NR4A3: variants seen among roughly 807,000 people sequenced by gnomAD.
The protein encoded by NR4A3 is nuclear receptor subfamily 4 group A member 3.
NR4A3 carries 13 observed loss-of-function variants against 55.6 expected under a neutral mutation model. That is an observed-to-expected ratio of 0.23 (90% CI 0.15 to 0.37). NR4A3 has a LOEUF of 0.37. Among genes scored for constraint, NR4A3 ranks in the 10% least tolerant of loss-of-function variants. The pLI is 1.00. For missense variants in NR4A3, 646 were observed against 822.8 expected (o/e 0.79, Z 2.63); for synonymous variants, 342 against 357.9 (o/e 0.96, Z 0.50).
intron 1 of NR4A3, among the ~76,000 whole-genome samples, chr9:99,824,713 C>T (rs1827260351): frequency 1.3e-5 from 2 of 152,368 alleles, no homozygotes; most frequent in Admixed American, 1.3e-4. Flanking sequence ...ACTCTTCGAG[C>T]TGCGCCCACC....
chr9:99,850,125 G>A (rs547195832), intron 7 of NR4A3, among the ~76,000 whole-genome samples: 23 of 152,154 alleles, frequency 1.5e-4, no homozygotes, highest in African/African-American at 4.8e-4. Flanking sequence ...AGGGTGGGGC[G>A]GGACATAAAG....
intron 7 of NR4A3, among the ~76,000 whole-genome samples, chr9:99,853,455 T>C (rs1198553017): frequency 9.2e-6 from 1 of 108,278 alleles, no homozygotes; most frequent in Non-Finnish European, 1.9e-5. Flanking sequence ...ATTAGGTATA[T>C]CTCCCAATGC....
intron 5 of NR4A3, among the ~76,000 whole-genome samples, chr9:99,841,919 C>T (rs953488670): frequency 6.6e-6 from 1 of 152,072 alleles, no homozygotes; most frequent in African/African-American, 2.4e-5. Context: ...GTAGTGAGCC[C>T]TGATCACACC....
At chr9:99,843,817 G>A (rs936071741) in intron 5 of NR4A3, among the ~76,000 whole-genome samples, 1 of 151,504 alleles carries the variant, frequency 6.6e-6, no homozygotes, top group Non-Finnish European at 1.5e-5. Context: ...GCAGTGGCAC[G>A]ATCTTGGCTC....
chr9:99,829,879 G>C (rs1051268906), intron 3 of NR4A3, among the ~76,000 whole-genome samples: 1 of 152,182 alleles, frequency 6.6e-6, no homozygotes, highest in African/African-American at 2.4e-5. Flanking sequence ...GAGCGGTGAA[G>C]CCTTATGCAG....
rs902416488 is a variant in NR4A3 at position 99,847,738 on chromosome 9, C to T, written c.1633+123C>T. 3 of 925,110 alleles carry T rather than the reference C, an allele frequency of 3.2e-6. No homozygotes were observed. In the African/African-American group the frequency reaches 5.0e-5, roughly 15 times the overall value. 57.3% of individuals were successfully genotyped at this position (925,110 alleles called of 1,614,324 possible). On this transcript the variant is annotated intron_variant, in intron 7 of 7. Coordinates refer to ENST00000395097, the MANE Select transcript of NR4A3 (RefSeq NM_006981.4). ...AAAATGACTACCATTTTTCTGAAAT[C>T]TGTTAAGTTTAACCTAGTTTAAGCA...
At chr9:99,850,289 C>CT (rs1046215914) in intron 7 of NR4A3, among the ~76,000 whole-genome samples, 1 of 152,110 alleles carries the variant, frequency 6.6e-6, no homozygotes, top group African/African-American at 2.4e-5. Flanking sequence ...GAGAAAGAAT[C>CT]TAAGAGGAAA....
intron 3 of NR4A3, among the ~76,000 whole-genome samples, 197 bp from the exon 4 acceptor site, chr9:99,832,492 A>G (rs1433749502): frequency 6.6e-6 from 1 of 152,234 alleles, no homozygotes; most frequent in East Asian, 1.9e-4. Context: ...CTTTAGAACA[A>G]TCCGAGATGA....
intron 5 of NR4A3, among the ~76,000 whole-genome samples, chr9:99,836,580 G>T (rs1314455571): frequency 1.3e-5 from 2 of 152,224 alleles, no homozygotes; most frequent in Admixed American, 1.3e-4. Context: ...GAAGGGAAAA[G>T]ATTTGGTGAA....
chr9:99,840,094 C>G lies in NR4A3; in HGVS notation c.1255-4555C>G, dbSNP rs146098867. ...TTGGATGCTGACCCTCCAGTCACCC[C>G]CAAGTTACTGGTGGCTCAGACTGAA... On this transcript the variant is annotated intron_variant, in intron 5 of 7. Coordinates refer to ENST00000395097, the MANE Select transcript of NR4A3 (RefSeq NM_006981.4). 2.1e-3 allele frequency among the ~76,000 whole-genome samples: 322 copies of G among 152,326 alleles called. 1 individual carries two copies. The highest frequency in any genetic ancestry group is 7.4e-3 in the African/African-American group (307 of 41,568).
chr9:99,864,052 A>T lies in NR4A3; in HGVS notation c.*185A>T. On this transcript the variant is annotated 3_prime_UTR_variant, in exon 8 of 8. Coordinates refer to ENST00000395097, the MANE Select transcript of NR4A3 (RefSeq NM_006981.4). ...TACAACCTAAAGCCAGAAAACTTGC[A>T]GAGTATTGTGTTGGGGTTGTGTTTT... 2.9e-5 allele frequency: 15 copies of T among 516,002 alleles called. No homozygotes were observed. Among genetic ancestry groups the T allele is most frequent in the Non-Finnish European group, 5.0e-5 (15 of 301,864 alleles). 32.0% of individuals were successfully genotyped at this position (516,002 alleles called of 1,614,324 possible). A position where few individuals can be genotyped will look rare whatever the true frequency, so the allele number is the denominator to read the frequency against.
chr9:99,821,997 C>T lies in NR4A3; in HGVS notation c.-587C>T, dbSNP rs1827186413. On this transcript the variant is annotated 5_prime_UTR_variant, in exon 1 of 8. Coordinates refer to ENST00000395097, the MANE Select transcript of NR4A3 (RefSeq NM_006981.4). The stretch of plus-strand genomic sequence containing the variant: ...TCACACCCGCTCCCTCACTCGCACA[C>T]ACAGACACAAGCGCGCACACAGGCT... 1 of 152,168 alleles carries T rather than the reference C, an allele frequency of 6.6e-6. No homozygotes were observed. Among genetic ancestry groups the T allele is most frequent in the Non-Finnish European group, 1.5e-5 (1 of 68,366 alleles). 9.4% of individuals were successfully genotyped at this position (152,168 alleles called of 1,614,324 possible).
rs377757850 is a variant in NR4A3 at position 99,828,505 on chromosome 9, T to C, written c.463T>C (p.Leu155=). 74 of 1,581,462 alleles carry C rather than the reference T, an allele frequency of 4.7e-5. No individual in the cohort carries two copies. In the African/African-American group the frequency reaches 9.2e-4, roughly 20 times the overall value. The change falls in exon 3 of 8, where the codon TTA becomes CTA. Residue 155 remains leucine (L), a synonymous_variant. Coordinates refer to ENST00000395097, the MANE Select transcript of NR4A3 (RefSeq NM_006981.4). This position sits in a 1 kb window ranked among gnomAD's most constrained non-coding sequence, Gnocchi z 7.7. ...GGCCTTCCCCCCGCAGGCGGGGGCG[T>C]TATGGGACGAGGCACTGCCCTCGGC... is the stretch of plus-strand genomic sequence containing the variant. ...TPAFPPQAGA[L]WDEALPSAPG...
At position 99,864,881 on chromosome 9, in the gene NR4A3, C is replaced by T; in HGVS notation, c.*1014C>T. On this transcript the variant is annotated 3_prime_UTR_variant, in exon 8 of 8. Transcript: ENST00000395097. ...AACATGCAAATCAGCAGGAACTGGT[C>T]ATACAGGGTAAGCACCAGGGACAAT... The T allele has an allele frequency of 4.6e-6, 1 of 216,066 alleles. No individual in the cohort carries two copies. Among genetic ancestry groups the T allele is most frequent in the African/African-American group, 2.2e-5 (1 of 44,484 alleles). The allele number at this position is 216,066 out of a possible 1,614,324, so 13.4% of individuals were successfully genotyped here.
chr9:99,850,293 G>C (rs537013568), intron 7 of NR4A3, among the ~76,000 whole-genome samples: 9 of 152,274 alleles, frequency 5.9e-5, no homozygotes, highest in Admixed American at 5.2e-4. Flanking sequence ...AAGAATCTAA[G>C]AGGAAAAAGG....
intron 7 of NR4A3, among the ~76,000 whole-genome samples, chr9:99,861,877 G>A (rs1004318273): frequency 3.9e-5 from 6 of 152,044 alleles, no homozygotes; most frequent in African/African-American, 1.4e-4. Context: ...GATCACTTGA[G>A]CCCAAGAGTT....
Position 99,828,616 on chromosome 9 carries a change from C to A in NR4A3, c.574C>A (p.His192Asn). The A allele has an allele frequency of 6.7e-7, 1 of 1,503,092 alleles. No homozygotes were observed. Among genetic ancestry groups the A allele is most frequent in the Non-Finnish European group, 8.8e-7 (1 of 1,136,830 alleles). 93.1% of individuals were successfully genotyped at this position (1,503,092 alleles called of 1,614,324 possible). A position where few individuals can be genotyped will look rare whatever the true frequency, so the allele number is the denominator to read the frequency against. ...TVAGARFPLF[H>N]FKPSPPHPPA... ...GGCCGGCGCGCGCTTCCCGCTCTTCCACTTCAAGCCCTCGCCGCCGCATCC... is the reference window on the plus strand; with the variant it reads ...GGCCGGCGCGCGCTTCCCGCTCTTCAACTTCAAGCCCTCGCCGCCGCATCC... The change falls in exon 3 of 8, where the codon CAC (histidine) becomes AAC (asparagine). Residue 192 changes from histidine to asparagine, a missense_variant. Transcript: ENST00000395097. This position sits in a 1 kb window ranked among gnomAD's most constrained non-coding sequence, Gnocchi z 7.7.
chr9:99,837,557 A>G (rs80031384), intron 5 of NR4A3, among the ~76,000 whole-genome samples: 244 of 152,212 alleles, frequency 1.6e-3, no homozygotes, highest in African/African-American at 5.7e-3. Flanking sequence ...TTAAATTACA[A>G]TAATAGTAAT....
chr9:99,863,606 C>T lies in NR4A3; in HGVS notation c.1634-14C>T. The T allele has an allele frequency of 1.2e-6, 2 of 1,610,686 alleles. No individual in the cohort carries two copies. The highest frequency in any genetic ancestry group is 1.7e-6 in the Non-Finnish European group (2 of 1,178,634). On this transcript the variant is annotated splice_polypyrimidine_tract_variant and intron_variant, in intron 7 of 7. Transcript: ENST00000395097. Reference sequence around the variant, plus strand: ...TGCCTCCTAAACTTCTTGCCCTTCTCTATCCCTCTGCAGAAAGACATGGGT... The same window carrying T: ...TGCCTCCTAAACTTCTTGCCCTTCTTTATCCCTCTGCAGAAAGACATGGGT...
Sources: allele counts gnomAD v4.1 joint callset (sites outside exome capture counted in the v4.1 genomes callset), GRCh38; gene constraint gnomAD v4.1.1; non-coding constraint Gnocchi (gnomAD v3.1); transcripts MANE v1.5; gene names NCBI Gene and HGNC (gene_info 2026-07-23, HGNC 2026-07-21).